Variants in DRC11 observed in about 807,000 individuals in gnomAD.
The protein encoded by DRC11 is dynein regulatory complex subunit 11.
the DRC11 span, among the ~76,000 whole-genome samples, chr2:236,374,842 C>T: frequency 2.0e-5 from 3 of 151,558 alleles, no homozygotes; most frequent in Non-Finnish European, 4.4e-5. Context: ...AGGCGCGTGC[C>T]ACCATGCCTG....
At chr2:236,442,404 A>G in the DRC11 span, among the ~76,000 whole-genome samples, 2 of 152,310 alleles carry the variant, frequency 1.3e-5, no homozygotes, top group East Asian at 3.9e-4. Flanking sequence ...ATGGAAGAGT[A>G]CATAGAACAA....
At chr2:236,309,516 C>T in the DRC11 span, among the ~76,000 whole-genome samples, 2 of 152,016 alleles carry the variant, frequency 1.3e-5, no homozygotes, top group African/African-American at 4.8e-5. This position sits in a 1 kb window ranked among gnomAD's most constrained non-coding sequence, Gnocchi z 5.7. Context: ...TGTGGAGGCC[C>T]CCCAGGCAGG....
At chr2:236,389,037 C>G in the DRC11 span, among the ~76,000 whole-genome samples, 55 of 151,830 alleles carry the variant, frequency 3.6e-4, no homozygotes, top group East Asian at 1.6e-3. Context: ...CTCCAGCTGC[C>G]TGCTGGGAGA....
the DRC11 span, among the ~76,000 whole-genome samples, chr2:236,401,976 G>A: frequency 1.3e-5 from 2 of 152,294 alleles, no homozygotes; most frequent in South Asian, 4.1e-4. This position sits in a 1 kb window ranked among gnomAD's most constrained non-coding sequence, Gnocchi z 4.6. Context: ...AAACCATAGT[G>A]GATACACTGG....
chr2:236,424,729 T>A, the DRC11 span, among the ~76,000 whole-genome samples: 1 of 151,062 alleles, frequency 6.6e-6, no homozygotes, highest in Non-Finnish European at 1.5e-5. Context: ...ATTATGGTCA[T>A]CATGCTGGAC....
At chr2:236,419,257 G>C in the DRC11 span, 19 of 1,534,376 alleles carry the variant, frequency 1.2e-5, no homozygotes, top group Admixed American at 2.1e-5. The surrounding 1 kb of genome is among the most constrained non-coding windows in gnomAD (Gnocchi z 4.8). Flanking sequence ...GGTTTGCTAT[G>C]ATATCCTCAA....
At chr2:236,337,655 G>A in the DRC11 span, among the ~76,000 whole-genome samples, 1 of 152,154 alleles carries the variant, frequency 6.6e-6, no homozygotes, top group Non-Finnish European at 1.5e-5. The surrounding 1 kb of genome is among the most constrained non-coding windows in gnomAD (Gnocchi z 4.9). Context: ...GCCTCCCAGG[G>A]GCTCTTTTTT....
chr2:236,412,691 T>C, the DRC11 span: 1 of 152,396 alleles, frequency 6.6e-6, no homozygotes, highest in South Asian at 2.1e-4. Flanking sequence ...CTTTGTGGTA[T>C]CTCTTGCATC....
At chr2:236,358,366 TATATAG>T in the DRC11 span, among the ~76,000 whole-genome samples, 6 of 126,592 alleles carry the variant, frequency 4.7e-5, no homozygotes, top group Admixed American at 1.6e-4. Flanking sequence ...GAATATATAA[TATATAG>T]ATATATATTT....
the DRC11 span, among the ~76,000 whole-genome samples, chr2:236,429,584 G>A: frequency 1.1e-4 from 16 of 152,260 alleles, no homozygotes; most frequent in African/African-American, 3.6e-4. The surrounding 1 kb of genome is among the most constrained non-coding windows in gnomAD (Gnocchi z 5.9). Context: ...GTGGTAGGGG[G>A]CTCCAAGGCT....
chr2:236,480,474 G>A, the DRC11 span, among the ~76,000 whole-genome samples: 1 of 151,792 alleles, frequency 6.6e-6, no homozygotes, highest in South Asian at 2.1e-4. Context: ...TTGCCTTCAA[G>A]CTGATTCTTT....
the DRC11 span, chr2:236,392,371 G>GAAAAAGA: frequency 7.8e-7 from 1 of 1,284,744 alleles, no homozygotes; most frequent in African/African-American, 1.5e-5. The surrounding 1 kb of genome is among the most constrained non-coding windows in gnomAD (Gnocchi z 5.1). Flanking sequence ...GAAGGGTAAA[G>GAAAAAGA]AAAAAGAAAA....
At chr2:236,358,042 AAT>A in the DRC11 span, among the ~76,000 whole-genome samples, 156 of 119,464 alleles carry the variant, frequency 1.3e-3, no homozygotes, top group Non-Finnish European at 2.0e-3. Flanking sequence ...ATATATTTAT[AAT>A]ATATAGATAT....
chr2:236,368,513 C>G, the DRC11 span: 1 of 522,456 alleles, frequency 1.9e-6, no homozygotes, highest in African/African-American at 1.9e-5. Flanking sequence ...GCTCTACTAG[C>G]TAGAGTAAAC....
chr2:236,372,517 A>G, the DRC11 span, among the ~76,000 whole-genome samples: 4 of 152,174 alleles, frequency 2.6e-5, no homozygotes, highest in Non-Finnish European at 5.9e-5. This position sits in a 1 kb window ranked among gnomAD's most constrained non-coding sequence, Gnocchi z 4.5. Flanking sequence ...ACGTTTACTT[A>G]AAGTTAAATG....
chr2:236,491,192 A>ATATATATATATACACACAG, the DRC11 span, among the ~76,000 whole-genome samples: 129 of 49,600 alleles, frequency 2.6e-3, 4 homozygotes, highest in African/African-American at 9.3e-3. Flanking sequence ...CACACAGTAT[A>ATATATATATATACACACAG]TATATATATA....
chr2:236,460,688 T>C, the DRC11 span, among the ~76,000 whole-genome samples: 4 of 152,196 alleles, frequency 2.6e-5, no homozygotes, highest in Non-Finnish European at 5.9e-5. This position sits in a 1 kb window ranked among gnomAD's most constrained non-coding sequence, Gnocchi z 4.0. Flanking sequence ...CGGCTAGAAG[T>C]AGCCATGCTG....
the DRC11 span, among the ~76,000 whole-genome samples, chr2:236,360,721 C>T: frequency 6.6e-6 from 1 of 152,150 alleles, no homozygotes. This position sits in a 1 kb window ranked among gnomAD's most constrained non-coding sequence, Gnocchi z 5.8. Flanking sequence ...AAACAGAGAA[C>T]GCAGCACATT....
the DRC11 span, among the ~76,000 whole-genome samples, chr2:236,489,831 G>C: frequency 6.6e-6 from 1 of 152,180 alleles, no homozygotes; most frequent in Non-Finnish European, 1.5e-5. Flanking sequence ...AAGCTGGGGC[G>C]AGAGGATCAC....
Sources: allele counts gnomAD v4.1 joint callset (sites outside exome capture counted in the v4.1 genomes callset), GRCh38; gene constraint gnomAD v4.1.1; non-coding constraint Gnocchi (gnomAD v3.1); transcripts MANE v1.5; gene names NCBI Gene and HGNC (gene_info 2026-07-23, HGNC 2026-07-21).